Variants in KIAA1217 observed in about 807,000 individuals in gnomAD.
KIAA1217 encodes sickle tail protein homolog.
KIAA1217 carries 88 observed loss-of-function variants against 163.9 expected under a neutral mutation model. The observed-to-expected ratio is 0.54, with a 90% confidence interval of 0.45 to 0.64. KIAA1217 has a LOEUF of 0.64. Ranked by LOEUF, KIAA1217 falls within the 30% of genes least tolerant of loss-of-function variation. The probability of loss-of-function intolerance (pLI) is 0.00; values close to 1 mark genes in which losing one functional copy is unlikely to be tolerated. For missense variants in KIAA1217, 2,372 were observed against 2,475.0 expected, an observed-to-expected ratio of 0.96 and a Z score of 0.88; for synonymous variants, 903 against 923.1, an observed-to-expected ratio of 0.98 and a Z score of 0.39.
chr10:23,768,515 C>T (rs752551511), intron 1 of KIAA1217, among the ~76,000 whole-genome samples: 2 of 152,190 alleles, frequency 1.3e-5, no homozygotes, highest in Non-Finnish European at 2.9e-5. Flanking sequence ...AGTGAAATTT[C>T]CTGTGCTACT....
chr10:24,363,650 C>G (rs369282172), intron 2 of KIAA1217, among the ~76,000 whole-genome samples: 7 of 151,212 alleles, frequency 4.6e-5, no homozygotes, highest in African/African-American at 1.7e-4. Flanking sequence ...CAGTTCACTG[C>G]ACCCTCCACC....
intron 1 of KIAA1217, among the ~76,000 whole-genome samples, chr10:23,909,531 A>AT (rs941798977): frequency 7.9e-6 from 1 of 126,840 alleles, no homozygotes; most frequent in Non-Finnish European, 1.6e-5. Flanking sequence ...AGTTGAAATT[A>AT]TAAAAAAAAG....
intron 1 of KIAA1217, among the ~76,000 whole-genome samples, chr10:23,930,420 G>C (rs552789812): frequency 2.0e-5 from 3 of 152,076 alleles, no homozygotes; most frequent in African/African-American, 7.2e-5. Flanking sequence ...CCTCATGAAG[G>C]GTGGTGGTGC....
intron 2 of KIAA1217, among the ~76,000 whole-genome samples, chr10:24,081,503 C>T (rs1347738178): frequency 1.3e-5 from 2 of 152,186 alleles, no homozygotes; most frequent in Non-Finnish European, 2.9e-5. Flanking sequence ...CATTTATCTG[C>T]TGATGGAGCC....
At chr10:23,791,035 A>G (rs910804413) in intron 1 of KIAA1217, among the ~76,000 whole-genome samples, 2 of 152,126 alleles carry the variant, frequency 1.3e-5, no homozygotes, top group Admixed American at 6.5e-5. Context: ...ATACCAGGCC[A>G]AATAGGTCAC....
At chr10:24,014,353 T>A (rs1356646428) in intron 2 of KIAA1217, among the ~76,000 whole-genome samples, 1 of 152,162 alleles carries the variant, frequency 6.6e-6, no homozygotes, top group Non-Finnish European at 1.5e-5. Context: ...AGGTAATTTG[T>A]TTTACACGCA....
Position 24,546,741 on chromosome 10 carries a change from G to A in KIAA1217, c.*417G>A, listed in dbSNP as rs1316227857. 1 of 156,260 alleles carries A rather than the reference G, an allele frequency of 6.4e-6. No individual in the cohort carries two copies. Among genetic ancestry groups the A allele is most frequent in the African/African-American group, 2.4e-5 (1 of 41,550 alleles). 9.7% of individuals were successfully genotyped at this position (156,260 alleles called of 1,614,324 possible). A position where few individuals can be genotyped will look rare whatever the true frequency, so the allele number is the denominator to read the frequency against. Reference sequence around the variant, plus strand: ...TTACACAAGTGTGACTATACAAATTGTAAAACAGATACTATAATATTTCCT... The same window carrying A: ...TTACACAAGTGTGACTATACAAATTATAAAACAGATACTATAATATTTCCT... On this transcript the variant is annotated 3_prime_UTR_variant, in exon 21 of 21. Transcript: ENST00000376454.
intron 1 of KIAA1217, among the ~76,000 whole-genome samples, chr10:23,920,845 C>T (rs1842824051): frequency 6.6e-6 from 1 of 152,134 alleles, no homozygotes; most frequent in Admixed American, 6.5e-5. Context: ...GGAAGGGACA[C>T]AGTGAGAGGT....
intron 2 of KIAA1217, among the ~76,000 whole-genome samples, chr10:24,244,284 A>T (rs2131354490): frequency 6.6e-6 from 1 of 152,298 alleles, no homozygotes. Flanking sequence ...GAGAGCAGAG[A>T]GTTCTCCTGG....
chr10:24,352,284 C>G (rs1271862061), intron 2 of KIAA1217, among the ~76,000 whole-genome samples: 1 of 152,190 alleles, frequency 6.6e-6, no homozygotes, highest in Non-Finnish European at 1.5e-5. Flanking sequence ...CTGAGTAATC[C>G]TTTAAAGAGT....
intron 2 of KIAA1217, among the ~76,000 whole-genome samples, chr10:24,065,928 G>C: frequency 6.6e-6 from 1 of 152,090 alleles, no homozygotes; most frequent in Admixed American, 6.5e-5. Flanking sequence ...ATCTTTGTTA[G>C]TTTAAAGTCT....
At chr10:23,843,734 C>T (rs1838895427) in intron 1 of KIAA1217, among the ~76,000 whole-genome samples, 1 of 152,126 alleles carries the variant, frequency 6.6e-6, no homozygotes, top group African/African-American at 2.4e-5. Flanking sequence ...AATGGTTGAC[C>T]TGTTCCCTTG....
At chr10:24,161,968 A>T (rs1156807376) in intron 2 of KIAA1217, among the ~76,000 whole-genome samples, 1 of 152,230 alleles carries the variant, frequency 6.6e-6, no homozygotes. Context: ...AAACTTAACA[A>T]TGAAGAAGGA....
At chr10:23,749,685 G>A (rs764996291) in intron 1 of KIAA1217, among the ~76,000 whole-genome samples, 2 of 152,208 alleles carry the variant, frequency 1.3e-5, no homozygotes, top group South Asian at 2.1e-4. Flanking sequence ...GATTATAGGC[G>A]TGAGCCACCT....
At chr10:24,104,479 T>G (rs934090582) in intron 2 of KIAA1217, among the ~76,000 whole-genome samples, 2 of 151,704 alleles carry the variant, frequency 1.3e-5, no homozygotes, top group African/African-American at 2.4e-5. Flanking sequence ...AGGGAGAAAG[T>G]AAAAAAAAGA....
At chr10:23,949,995 GA>G (rs902166822) in intron 1 of KIAA1217, among the ~76,000 whole-genome samples, 1 of 152,160 alleles carries the variant, frequency 6.6e-6, no homozygotes, top group African/African-American at 2.4e-5. Context: ...TGAGGTAGAT[GA>G]TTTTATCATC....
chr10:24,260,476 A>T (rs2075608043), intron 2 of KIAA1217, among the ~76,000 whole-genome samples: 1 of 150,572 alleles, frequency 6.6e-6, no homozygotes, highest in Non-Finnish European at 1.5e-5. Context: ...GAGGCCAGGC[A>T]TGGTGGCTCA....
chr10:23,923,736 C>T (rs1035033202), intron 1 of KIAA1217, among the ~76,000 whole-genome samples: 1 of 152,170 alleles, frequency 6.6e-6, no homozygotes, highest in Admixed American at 6.5e-5. Flanking sequence ...TTGACTCTAG[C>T]CCAGTGAAAC....
intron 2 of KIAA1217, among the ~76,000 whole-genome samples, chr10:24,336,849 G>T (rs1255618011): frequency 6.6e-6 from 1 of 152,150 alleles, no homozygotes; most frequent in Non-Finnish European, 1.5e-5. Flanking sequence ...GGGAAAACCA[G>T]ATATCCACAT....
Sources: allele counts gnomAD v4.1 joint callset (sites outside exome capture counted in the v4.1 genomes callset), GRCh38; gene constraint gnomAD v4.1.1; transcripts MANE v1.5; gene names NCBI Gene and HGNC (gene_info 2026-07-23, HGNC 2026-07-21).